The following CNTN4 variants were observed in gnomAD, a reference collection of about 807,000 sequenced individuals.
CNTN4 encodes contactin-4.
Under a neutral mutation model 122.5 loss-of-function variants are expected in CNTN4, and 77 were observed. The ratio of observed to expected loss-of-function variants is 0.63; its 90% CI spans 0.52 to 0.76. The LOEUF (loss-of-function observed/expected upper bound fraction) is 0.76, where lower values mean the gene tolerates loss of function less well. Ranked by LOEUF, CNTN4 falls within the 30% of genes least tolerant of loss-of-function variation. CNTN4 has a pLI of 0.00. For missense variants in CNTN4, 1,256 were observed against 1,259.1 expected (o/e 1.00, Z 0.04); for synonymous variants, 512 against 447.0 (o/e 1.15, Z -1.83).
At chr3:2,948,654 T>G (rs2094704444) in intron 13 of CNTN4, among the ~76,000 whole-genome samples, 1 of 152,196 alleles carries the variant, frequency 6.6e-6, no homozygotes, top group Non-Finnish European at 1.5e-5. Flanking sequence ...TGGAGCAAAC[T>G]CATTTGGTGG....
At chr3:2,532,108 G>T (rs1222957872) in intron 3 of CNTN4, among the ~76,000 whole-genome samples, 1 of 152,034 alleles carries the variant, frequency 6.6e-6, no homozygotes, top group Non-Finnish European at 1.5e-5. Flanking sequence ...GTATTCTTGT[G>T]GCTGATTTTG....
At chr3:2,212,027 G>T (rs867301881) in intron 2 of CNTN4, among the ~76,000 whole-genome samples, 1 of 152,100 alleles carries the variant, frequency 6.6e-6, no homozygotes, top group Non-Finnish European at 1.5e-5. Context: ...AGACGGGAGT[G>T]CAGTGGCACA....
At chr3:2,801,360 C>T (rs1244600138) in intron 6 of CNTN4, among the ~76,000 whole-genome samples, 1 of 152,216 alleles carries the variant, frequency 6.6e-6, no homozygotes, top group African/African-American at 2.4e-5. Flanking sequence ...TCAGCTCACT[C>T]AAGCTGTGAA....
chr3:2,181,810 C>A (rs886276443), intron 2 of CNTN4, among the ~76,000 whole-genome samples: 10 of 152,136 alleles, frequency 6.6e-5, no homozygotes, highest in African/African-American at 2.4e-4. Context: ...AAAATAAATT[C>A]CCGGTCAGAG....
intron 3 of CNTN4, among the ~76,000 whole-genome samples, chr3:2,384,412 A>G (rs1233028780): frequency 6.6e-6 from 1 of 152,166 alleles, no homozygotes; most frequent in Admixed American, 6.5e-5. Flanking sequence ...CTCGCAGCAC[A>G]TAAATCCGCC....
chr3:2,287,796 G>C (rs749909539), intron 2 of CNTN4, among the ~76,000 whole-genome samples: 12 of 151,196 alleles, frequency 7.9e-5, no homozygotes, highest in Non-Finnish European at 1.5e-5. Flanking sequence ...AGAGGAGGAA[G>C]GGGAAGGTGA....
chr3:2,306,732 A>G (rs565977240), intron 2 of CNTN4, among the ~76,000 whole-genome samples: 1 of 152,256 alleles, frequency 6.6e-6, no homozygotes, highest in African/African-American at 2.4e-5. Context: ...AACACTAGTA[A>G]ATATTCCATT....
intron 2 of CNTN4, among the ~76,000 whole-genome samples, chr3:2,134,058 A>G (rs1177238213): frequency 6.6e-6 from 1 of 152,152 alleles, no homozygotes; most frequent in East Asian, 1.9e-4. Flanking sequence ...CCATTTCATG[A>G]TCCTTCTTCA....
intron 7 of CNTN4, among the ~76,000 whole-genome samples, chr3:2,836,112 G>T (rs2093220239): frequency 6.6e-6 from 1 of 151,938 alleles, no homozygotes; most frequent in South Asian, 2.1e-4. Context: ...TAAACATCCG[G>T]ATGAAATGAA....
chr3:2,177,652 GTGTT>G (rs1199257597), intron 2 of CNTN4, among the ~76,000 whole-genome samples: 1 of 97,844 alleles, frequency 1.0e-5, no homozygotes, highest in African/African-American at 3.7e-5. Flanking sequence ...GATTGTGTGT[GTGTT>G]TGTGTGTGTG....
chr3:2,734,554 G>A (rs976134150), intron 4 of CNTN4, among the ~76,000 whole-genome samples: 4 of 151,878 alleles, frequency 2.6e-5, no homozygotes, highest in Admixed American at 1.3e-4. Context: ...CAACAAGATC[G>A]TGGGCCGTCC....
chr3:2,901,853 A>G (rs2094177781), intron 11 of CNTN4, among the ~76,000 whole-genome samples: 1 of 152,190 alleles, frequency 6.6e-6, no homozygotes, highest in Non-Finnish European at 1.5e-5. Flanking sequence ...AGAGGCAATT[A>G]TGACAGATGA....
chr3:2,223,652 G>T (rs1305450832), intron 2 of CNTN4, among the ~76,000 whole-genome samples: 1 of 152,116 alleles, frequency 6.6e-6, no homozygotes. Flanking sequence ...ATCGTGGCTG[G>T]TACAGATATA....
intron 12 of CNTN4, among the ~76,000 whole-genome samples, chr3:2,908,066 G>T (rs936175990): frequency 6.6e-6 from 1 of 152,038 alleles, no homozygotes; most frequent in Non-Finnish European, 1.5e-5. Flanking sequence ...TCACTTGTGG[G>T]ATATATCCCT....
chr3:2,400,423 A>AT lies in CNTN4; in HGVS notation c.-89+61191dup, dbSNP rs1179009330. 8.7e-3 allele frequency among the ~76,000 whole-genome samples: 524 copies of AT among 60,390 alleles called. 6 individuals are homozygous for AT. The highest frequency in any genetic ancestry group is 0.014 in the Non-Finnish European group (388 of 27,314). 39.6% of individuals were successfully genotyped at this position (60,390 alleles called of 152,430 possible). On this transcript the variant is annotated intron_variant, in intron 3 of 24. Coordinates refer to ENST00000418658, the MANE Select transcript of CNTN4 (RefSeq NM_175607.3). The stretch of plus-strand genomic sequence containing the variant: ...TGTGTGAATATATATATATATATAT[A>AT]TATACATATATATATATATATATAT...
chr3:2,410,170 A>G (rs2047179447), intron 3 of CNTN4, among the ~76,000 whole-genome samples: 1 of 152,196 alleles, frequency 6.6e-6, no homozygotes, highest in East Asian at 1.9e-4. Flanking sequence ...TTCTTGATAA[A>G]GTGTTATCTT....
chr3:2,832,878 C>G (rs1329280818), intron 7 of CNTN4, among the ~76,000 whole-genome samples: 1 of 151,976 alleles, frequency 6.6e-6, no homozygotes, highest in Admixed American at 6.6e-5. Context: ...CTGGTGAAAC[C>G]AAGGCTGGGA....
chr3:2,714,192 AT>A (rs1306581321), intron 4 of CNTN4, among the ~76,000 whole-genome samples: 1 of 152,124 alleles, frequency 6.6e-6, no homozygotes, highest in Non-Finnish European at 1.5e-5. Flanking sequence ...TTTCACAACA[AT>A]TTTTTTAAAA....
At chr3:2,720,268 G>A (rs1403375482) in intron 4 of CNTN4, among the ~76,000 whole-genome samples, 1 of 152,152 alleles carries the variant, frequency 6.6e-6, no homozygotes, top group African/African-American at 2.4e-5. Flanking sequence ...TCAAAAGCCA[G>A]AAACCAACCA....
Sources: allele counts gnomAD v4.1 joint callset (sites outside exome capture counted in the v4.1 genomes callset), GRCh38; gene constraint gnomAD v4.1.1; transcripts MANE v1.5; gene names NCBI Gene and HGNC (gene_info 2026-07-23, HGNC 2026-07-21).